PTPRD: variants seen among roughly 807,000 people sequenced by gnomAD.
PTPRD encodes the protein receptor-type tyrosine-protein phosphatase delta.
A neutral mutation model predicts 214.5 loss-of-function variants in PTPRD; 34 were observed. That is an observed-to-expected ratio of 0.16 (90% CI 0.12 to 0.21). The LOEUF is 0.21. Among genes scored for constraint, PTPRD ranks in the 10% least tolerant of loss-of-function variants. The probability of loss-of-function intolerance (pLI) is 1.00; values close to 1 mark genes in which losing one functional copy is unlikely to be tolerated. For missense variants in PTPRD, 2,545 were observed against 2,398.7 expected, an observed-to-expected ratio of 1.06 and a Z score of -1.27; for synonymous variants, 1,128 against 845.7, an observed-to-expected ratio of 1.33 and a Z score of -5.79.
At chr9:10,301,098 T>C (rs1596475907) in intron 3 of PTPRD, among the ~76,000 whole-genome samples, 1 of 152,068 alleles carries the variant, frequency 6.6e-6, no homozygotes, top group African/African-American at 2.4e-5. Context: ...TGTTCTGCAG[T>C]CTCTGCTGGT....
At chr9:9,722,032 A>T (rs942451283) in intron 7 of PTPRD, among the ~76,000 whole-genome samples, 1 of 151,912 alleles carries the variant, frequency 6.6e-6, no homozygotes, top group African/African-American at 2.4e-5. Context: ...TTAATATATC[A>T]TATTTATCCC....
At chr9:9,602,248 T>C (rs907506976) in intron 7 of PTPRD, among the ~76,000 whole-genome samples, 1 of 152,068 alleles carries the variant, frequency 6.6e-6, no homozygotes, top group African/African-American at 2.4e-5. Flanking sequence ...TGAAAAAATA[T>C]ACATGATAAA....
At chr9:8,563,436 CTTT>C (rs1036473887) in intron 14 of PTPRD, among the ~76,000 whole-genome samples, 4 of 130,602 alleles carry the variant, frequency 3.1e-5, no homozygotes, top group African/African-American at 2.9e-5. Flanking sequence ...TTGATGTAGA[CTTT>C]TTTTTTTTTT....
intron 9 of PTPRD, among the ~76,000 whole-genome samples, chr9:9,317,989 TG>T (rs1184496159): frequency 6.6e-6 from 1 of 152,046 alleles, no homozygotes; most frequent in African/African-American, 2.4e-5. Context: ...CTGATCAACA[TG>T]GAGAAACCGT....
intron 22 of PTPRD, 119 bp from the exon 23 acceptor site, chr9:8,504,524 C>A: frequency 8.7e-7 from 1 of 1,152,998 alleles, no homozygotes; most frequent in Non-Finnish European, 1.3e-6. Context: ...AAAATATCAC[C>A]AAAAGAGTCA....
intron 2 of PTPRD, among the ~76,000 whole-genome samples, chr9:10,538,040 G>A (rs2058244811): frequency 6.6e-6 from 1 of 152,002 alleles, no homozygotes. Flanking sequence ...CTTGATGTCA[G>A]ACAGACCTGA....
chr9:8,882,277 T>A (rs148300464), intron 11 of PTPRD, among the ~76,000 whole-genome samples: 1,650 of 152,320 alleles, frequency 0.011, 7 homozygotes, highest in Middle Eastern at 0.017. Context: ...AGTATCTCAC[T>A]TTAAACTTAC....
chr9:9,786,778 A>G (rs1324627768), intron 5 of PTPRD, among the ~76,000 whole-genome samples: 1 of 152,238 alleles, frequency 6.6e-6, no homozygotes, highest in Non-Finnish European at 1.5e-5. Flanking sequence ...ATAATAAAAA[A>G]AAATCACTTG....
chr9:10,103,245 G>C (rs2098581483), intron 3 of PTPRD, among the ~76,000 whole-genome samples: 1 of 151,078 alleles, frequency 6.6e-6, no homozygotes, highest in Admixed American at 6.6e-5. Context: ...TCCTTTTTAA[G>C]TAAATCTGGA....
At chr9:8,952,267 G>T (rs939860322) in intron 11 of PTPRD, among the ~76,000 whole-genome samples, 3 of 151,854 alleles carry the variant, frequency 2.0e-5, no homozygotes, top group Non-Finnish European at 4.4e-5. Flanking sequence ...ATTAATGTAT[G>T]TTCTTACATG....
rs1392513 is a variant in PTPRD at position 8,340,256 on chromosome 9, T to C, written c.5253+87A>G. ...GTGCACTGCATTTCAAAAAAAATGA[T>C]CTAGCACAAGAGTTATTGAAACAAA... On this transcript the variant is annotated intron_variant, in intron 42 of 45. Transcript: ENST00000381196. 4 of 1,412,206 alleles carry C rather than the reference T, an allele frequency of 2.8e-6. No homozygotes were observed. The Middle Eastern group carries it at 5.7e-4, about 203-fold the overall frequency. The allele number at this position is 1,412,206 out of a possible 1,614,324, so 87.5% of individuals were successfully genotyped here.
intron 7 of PTPRD, among the ~76,000 whole-genome samples, chr9:9,627,249 C>T (rs929325982): frequency 2.0e-5 from 3 of 152,154 alleles, no homozygotes; most frequent in Admixed American, 1.3e-4. Context: ...AGAGGTTGCA[C>T]TGAGCCGAGA....
chr9:9,169,555 A>C (rs889209613), intron 10 of PTPRD, among the ~76,000 whole-genome samples: 12 of 152,174 alleles, frequency 7.9e-5, no homozygotes, highest in African/African-American at 2.9e-4. Flanking sequence ...CTCTTTACAT[A>C]GACTTCATTA....
In PTPRD at chr9:8,934,463, A is replaced by T. The variant is rs1212845838; in HGVS notation, c.-104+84234T>A. Among the ~76,000 whole-genome samples, 7 of 11,680 alleles carry T rather than the reference A, an allele frequency of 6.0e-4. 1 individual carries two copies. Among genetic ancestry groups the T allele is most frequent in the Admixed American group, 4.8e-3 (3 of 626 alleles). The allele number at this position is 11,680 out of a possible 152,430, so 7.7% of individuals were successfully genotyped here. On this transcript the variant is annotated intron_variant, in intron 11 of 45. Coordinates refer to ENST00000381196, the MANE Select transcript of PTPRD (RefSeq NM_002839.4). ...TATATATATAAATTTATATATATAT[A>T]AATATATATATATAAATATATATAT...
In PTPRD at chr9:9,973,471, CA is replaced by C. The variant is rs540294559; in HGVS notation, c.-471-34862del. ...TGGGTGACAGAGTGAGACCTTGTCT[CA>C]AAAAAAAAAAATTAAAAGTAGATGT... is the stretch of plus-strand genomic sequence containing the variant. On this transcript the variant is annotated intron_variant, in intron 4 of 45. Transcript: ENST00000381196. Among the ~76,000 whole-genome samples, 695 of 139,516 alleles carry C rather than the reference CA, an allele frequency of 5.0e-3. 1 individual carries two copies. The highest frequency in any genetic ancestry group is 7.0e-3 in the Non-Finnish European group (446 of 63,874). 91.5% of individuals were successfully genotyped at this position (139,516 alleles called of 152,430 possible). A position where few individuals can be genotyped will look rare whatever the true frequency, so the allele number is the denominator to read the frequency against.
chr9:8,980,782 G>C (rs2099308650), intron 11 of PTPRD, among the ~76,000 whole-genome samples: 1 of 152,060 alleles, frequency 6.6e-6, no homozygotes, highest in Non-Finnish European at 1.5e-5. Context: ...TGTGCTTATA[G>C]CTATTTCTCA....
intron 36 of PTPRD, among the ~76,000 whole-genome samples, chr9:8,399,243 G>A (rs2091929185): frequency 1.3e-5 from 2 of 151,960 alleles, no homozygotes; most frequent in African/African-American, 4.8e-5. Flanking sequence ...ACACATCCTT[G>A]TTTTATAAGA....
intron 3 of PTPRD, among the ~76,000 whole-genome samples, chr9:10,246,774 T>G (rs930027268): frequency 2.0e-5 from 3 of 151,672 alleles, no homozygotes; most frequent in African/African-American, 7.3e-5. Context: ...TGCATACCTG[T>G]ATTTAACTAC....
At chr9:10,010,413 T>G (rs1046504305) in intron 4 of PTPRD, among the ~76,000 whole-genome samples, 7 of 131,164 alleles carry the variant, frequency 5.3e-5, no homozygotes, top group African/African-American at 1.5e-4. Context: ...GATTTTTAAA[T>G]TTAAAATTTA....
Sources: gnomAD v4.1 joint callset for allele counts (sites outside exome capture counted in the v4.1 genomes callset) on GRCh38, gnomAD v4.1.1 for gene constraint, MANE v1.5 for transcripts, NCBI Gene and HGNC (gene_info 2026-07-23, HGNC 2026-07-21) for gene names.